DNER: variants seen among roughly 807,000 people sequenced by gnomAD.
DNER encodes the protein delta and Notch-like epidermal growth factor-related receptor.
In DNER, 33 loss-of-function variants were observed where a neutral mutation model predicts 78.2. The ratio of observed to expected loss-of-function variants is 0.42; its 90% CI spans 0.32 to 0.56. The LOEUF (loss-of-function observed/expected upper bound fraction) is 0.56. DNER is among the 20% of genes least tolerant of loss of function. The probability of loss-of-function intolerance (pLI) is 0.11; values close to 1 mark genes in which losing one functional copy is unlikely to be tolerated. For missense variants in DNER, 918 were observed against 975.3 expected (o/e 0.94, Z 0.78); for synonymous variants, 417 against 384.8 (o/e 1.08, Z -0.98).
At chr2:229,602,612 T>C (rs17621264) in intron 1 of DNER, among the ~76,000 whole-genome samples, 6,391 of 152,320 alleles carry the variant, frequency 0.042, 181 homozygotes, top group East Asian at 0.12. Flanking sequence ...GTTTGCTGCA[T>C]GCAAGATCAA....
At chr2:229,524,996 C>T (rs1696180513) in intron 5 of DNER, among the ~76,000 whole-genome samples, 1 of 152,208 alleles carries the variant, frequency 6.6e-6, no homozygotes, top group South Asian at 2.1e-4. Flanking sequence ...GACAAGGCTG[C>T]CGTCTCCATG....
At chr2:229,548,357 G>C (rs1044906651) in intron 4 of DNER, among the ~76,000 whole-genome samples, 1 of 152,170 alleles carries the variant, frequency 6.6e-6, no homozygotes, top group Non-Finnish European at 1.5e-5. Flanking sequence ...GTCCATCAAT[G>C]ATAGACTGGA....
intron 7 of DNER, among the ~76,000 whole-genome samples, chr2:229,454,588 T>C (rs1167152234): frequency 6.7e-6 from 1 of 149,762 alleles, no homozygotes; most frequent in Non-Finnish European, 1.5e-5. Flanking sequence ...GTATACATAC[T>C]GAGGAGAGAA....
intron 11 of DNER, among the ~76,000 whole-genome samples, chr2:229,375,629 T>C (rs922941983): frequency 2.0e-5 from 3 of 152,230 alleles, no homozygotes; most frequent in Non-Finnish European, 4.4e-5. Context: ...AGCCAACTTA[T>C]AATGAAATGC....
chr2:229,493,043 T>C (rs1485791677), intron 6 of DNER, among the ~76,000 whole-genome samples: 1 of 152,164 alleles, frequency 6.6e-6, no homozygotes, highest in Non-Finnish European at 1.5e-5. Context: ...AGGCTGGGTT[T>C]GGGGACACAC....
intron 5 of DNER, among the ~76,000 whole-genome samples, chr2:229,534,839 C>A (rs1467233662): frequency 6.6e-6 from 1 of 151,140 alleles, no homozygotes; most frequent in African/African-American, 2.4e-5. Context: ...TTTTTTAATT[C>A]TTTTTTTTTA....
chr2:229,381,390 T>C (rs116780976), intron 11 of DNER, among the ~76,000 whole-genome samples: 20 of 152,228 alleles, frequency 1.3e-4, no homozygotes, highest in African/African-American at 4.3e-4. Context: ...ACTTTTTTTT[T>C]CCTACCCCAG....
intron 11 of DNER, among the ~76,000 whole-genome samples, chr2:229,372,810 G>A (rs760992067): frequency 8.5e-5 from 13 of 152,062 alleles, no homozygotes; most frequent in Non-Finnish European, 1.9e-4. Flanking sequence ...CAGAGAGAGG[G>A]GAATGGATGT....
intron 1 of DNER, among the ~76,000 whole-genome samples, chr2:229,686,961 CT>C (rs1699493556): frequency 6.6e-6 from 1 of 152,178 alleles, no homozygotes; most frequent in Non-Finnish European, 1.5e-5. Flanking sequence ...CAAGACTTGA[CT>C]TTTCAATGTC....
intron 6 of DNER, among the ~76,000 whole-genome samples, chr2:229,486,594 A>G (rs1417765712): frequency 6.6e-6 from 1 of 152,224 alleles, no homozygotes; most frequent in African/African-American, 2.4e-5. Context: ...ATTAAAGATT[A>G]TGATTATAAT....
intron 11 of DNER, among the ~76,000 whole-genome samples, chr2:229,373,326 C>T (rs1692529053): frequency 6.6e-6 from 1 of 152,048 alleles, no homozygotes; most frequent in South Asian, 2.1e-4. Flanking sequence ...ATGTAAGTGG[C>T]CAACAAACAT....
At chr2:229,403,370 A>G (rs1204990051) in intron 10 of DNER, among the ~76,000 whole-genome samples, 1 of 152,208 alleles carries the variant, frequency 6.6e-6, no homozygotes, top group Non-Finnish European at 1.5e-5. Context: ...AATAGATTTG[A>G]AAGATAAATT....
Position 229,591,958 on chromosome 2 carries a change from C to T in DNER, c.277-70G>A, listed in dbSNP as rs1697616798. ...AGTGGTGCCATCGCTGGGAAATTAG[C>T]TCTGTGTCTCAGAGCGACTGCTGTA... is the stretch of plus-strand genomic sequence containing the variant. On this transcript the variant is annotated intron_variant, in intron 1 of 12. Coordinates refer to ENST00000341772, the MANE Select transcript of DNER (RefSeq NM_139072.4). This position sits in a 1 kb window ranked among gnomAD's most constrained non-coding sequence, Gnocchi z 4.6. The T allele has an allele frequency of 6.9e-7, 1 of 1,443,928 alleles. No individual in the cohort carries two copies. The highest frequency in any genetic ancestry group is 9.1e-7 in the Non-Finnish European group (1 of 1,101,538). 89.4% of individuals were successfully genotyped at this position (1,443,928 alleles called of 1,614,324 possible).
intron 9 of DNER, among the ~76,000 whole-genome samples, chr2:229,408,495 C>T (rs1398353872): frequency 6.6e-6 from 1 of 151,996 alleles, no homozygotes; most frequent in Non-Finnish European, 1.5e-5. Context: ...TGCCTAAGAA[C>T]GTACATAATG....
At position 229,564,368 on chromosome 2, in the gene DNER, CCAT is replaced by C. The variant is rs1324758382; in HGVS notation, c.848-17279_848-17277del. ...CATCATCATCATCCTCACCCCATCACCATCATCATCATCATCACCCCATCACCA... is the reference window on the plus strand; with the variant it reads ...CATCATCATCATCCTCACCCCATCACCATCATCATCATCACCCCATCACCA... On this transcript the variant is annotated intron_variant, in intron 4 of 12. Transcript: ENST00000341772. Among the ~76,000 whole-genome samples, 113 of 142,216 alleles carry C rather than the reference CCAT, an allele frequency of 7.9e-4. 2 individuals are homozygous for C. Among genetic ancestry groups the C allele is most frequent in the African/African-American group, 2.3e-3 (89 of 38,246 alleles). The allele number at this position is 142,216 out of a possible 152,430, so 93.3% of individuals were successfully genotyped here.
At chr2:229,634,088 C>T (rs559179227) in intron 1 of DNER, among the ~76,000 whole-genome samples, 1 of 152,276 alleles carries the variant, frequency 6.6e-6, no homozygotes, top group Admixed American at 6.5e-5. Context: ...CAATGACACC[C>T]ATGCACAGCC....
chr2:229,512,936 C>T lies in DNER; in HGVS notation c.994G>A (p.Ala332Thr). Residue 332 changes from alanine to threonine, a missense_variant and splice_region_variant, in exon 6 of 13, where the codon GCA becomes ACA. By Grantham distance (58) the Ala-to-Thr change is moderately conservative. Coordinates refer to ENST00000341772, the MANE Select transcript of DNER (RefSeq NM_139072.4). ...TCCTCACAGGTACAGGAAAAAGTTG[C>T]CTAAAACACAAAAAAAGCACAGTGT... is the stretch of plus-strand genomic sequence containing the variant. ...KGKCTTKPSE[A>T]TFSCTCEEQY... 1.9e-6 allele frequency: 3 copies of T among 1,612,866 alleles called. No homozygotes were observed. The highest frequency in any genetic ancestry group is 1.7e-6 in the Non-Finnish European group (2 of 1,179,626).
chr2:229,391,084 C>G (rs2106337319), intron 10 of DNER, among the ~76,000 whole-genome samples: 1 of 152,230 alleles, frequency 6.6e-6, no homozygotes, highest in East Asian at 1.9e-4. Context: ...AGAAGACACC[C>G]AAGGATGACT....
chr2:229,447,295 C>T (rs146809725), intron 8 of DNER, 21 bp downstream of exon 8: 2 of 1,559,952 alleles, frequency 1.3e-6, no homozygotes, highest in Non-Finnish European at 1.7e-6. Context: ...GGAAGATGTA[C>T]TGTGTAGGGG....
Sources: gnomAD v4.1 joint callset for allele counts (sites outside exome capture counted in the v4.1 genomes callset) on GRCh38, gnomAD v4.1.1 for gene constraint, Gnocchi (gnomAD v3.1) non-coding constraint, MANE v1.5 for transcripts, NCBI Gene and HGNC (gene_info 2026-07-23, HGNC 2026-07-21) for gene names.